Variants in DNAL1 observed in about 807,000 individuals in gnomAD.
The protein encoded by DNAL1 is dynein axonemal light chain 1.
A neutral mutation model predicts 29.4 loss-of-function variants in DNAL1; 17 were observed. The observed-to-expected ratio is 0.58, with a 90% confidence interval of 0.40 to 0.87. The LOEUF (loss-of-function observed/expected upper bound fraction) is 0.87. DNAL1 is among the 40% of genes least tolerant of loss of function. The probability of loss-of-function intolerance (pLI) is 0.00; values close to 1 mark genes in which losing one functional copy is unlikely to be tolerated. For missense variants in DNAL1, 188 were observed against 214.1 expected, an observed-to-expected ratio of 0.88 and a Z score of 0.76; for synonymous variants, 78 against 76.3, an observed-to-expected ratio of 1.02 and a Z score of -0.12.
At chr14:73,654,673 C>T (rs1482106759) in intron 1 of DNAL1, among the ~76,000 whole-genome samples, 174 bp from the exon 2 acceptor site, 2 of 152,048 alleles carry the variant, frequency 1.3e-5, no homozygotes, top group Non-Finnish European at 2.9e-5. Context: ...GCAGGAGAAT[C>T]GCTTGAACCC....
chr14:73,677,470 C>G (rs767463238), intron 5 of DNAL1, among the ~76,000 whole-genome samples: 1 of 151,094 alleles, frequency 6.6e-6, no homozygotes, highest in South Asian at 2.1e-4. Context: ...CGGCAAGTAC[C>G]GTGTTGTTTT....
intron 5 of DNAL1, among the ~76,000 whole-genome samples, chr14:73,679,798 C>CTTTT (rs3041319): frequency 0.82 from 124,913 of 151,574 alleles, 52,148 homozygotes; most frequent in African/African-American, 0.95. Context: ...GTCTTATCTT[C>CTTTT]TTAATTAAAA....
At position 73,683,236 on chromosome 14, in the gene DNAL1, A is replaced by G. The variant is rs985210387; in HGVS notation, c.265-4023A>G. On this transcript the variant is annotated intron_variant, in intron 5 of 7. Coordinates refer to ENST00000553645, the MANE Select transcript of DNAL1 (RefSeq NM_031427.4). Reference sequence around the variant, plus strand: ...TATCTTAAATAACTATAAAAAGTATAGTAAACACATAAACCAGTAATATTG... The same window carrying G: ...TATCTTAAATAACTATAAAAAGTATGGTAAACACATAAACCAGTAATATTG... Among the ~76,000 whole-genome samples the G allele has an allele frequency of 4.6e-5, 7 of 152,290 alleles. No homozygotes were observed. In the East Asian group the frequency reaches 1.2e-3, roughly 25 times the overall value.
At chr14:73,690,210 T>A (rs995045789) in intron 7 of DNAL1, among the ~76,000 whole-genome samples, 1 of 152,128 alleles carries the variant, frequency 6.6e-6, no homozygotes, top group African/African-American at 2.4e-5. Flanking sequence ...TATTTATTTT[T>A]AAAAAATTGT....
At chr14:73,669,571 G>A (rs533460179) in intron 4 of DNAL1, among the ~76,000 whole-genome samples, 7 of 152,164 alleles carry the variant, frequency 4.6e-5, no homozygotes, top group South Asian at 2.1e-4. Flanking sequence ...CACCACGCCC[G>A]GTCTAAATTT....
intron 5 of DNAL1, among the ~76,000 whole-genome samples, chr14:73,676,888 G>A (rs535135948): frequency 1.2e-4 from 18 of 151,080 alleles, no homozygotes; most frequent in Non-Finnish European, 2.5e-4. Flanking sequence ...CAATGCTAAT[G>A]CTAGTTTCTA....
rs1340943901 is a variant in DNAL1, at chr14:73,702,926, A to G, written c.*6984A>G. 1 of 150,950 alleles carries G rather than the reference A, an allele frequency of 6.6e-6. No individual in the cohort carries two copies. Among genetic ancestry groups the G allele is most frequent in the Admixed American group, 6.6e-5 (1 of 15,096 alleles). The allele number at this position is 150,950 out of a possible 1,614,324, so 9.4% of individuals were successfully genotyped here. A position where few individuals can be genotyped will look rare whatever the true frequency, so the allele number is the denominator to read the frequency against. On this transcript the variant is annotated 3_prime_UTR_variant, in exon 8 of 8. Coordinates refer to ENST00000553645, the MANE Select transcript of DNAL1 (RefSeq NM_031427.4). ...GGAGTTTGAGACCAGCCTAGGCAAC[A>G]TCGTGAGACCCCATCTCTACAAAAA...
rs996050842 is a variant in DNAL1 at position 73,680,582 on chromosome 14, C to T, written c.265-6677C>T. Among the ~76,000 whole-genome samples the T allele has an allele frequency of 4.6e-5, 7 of 152,084 alleles. No homozygotes were observed. The South Asian group carries it at 6.2e-4, about 14-fold the overall frequency. ...TGCTATGTTTTGATACATATATATA[C>T]GTTGTGTAATGATCAAACCAAGGTG... On this transcript the variant is annotated intron_variant, in intron 5 of 7. Coordinates refer to ENST00000553645, the MANE Select transcript of DNAL1 (RefSeq NM_031427.4).
chr14:73,691,325 G>A (rs1204460592), intron 7 of DNAL1, among the ~76,000 whole-genome samples: 1 of 152,086 alleles, frequency 6.6e-6, no homozygotes, highest in Non-Finnish European at 1.5e-5. Flanking sequence ...CGAGGTGGGA[G>A]GATCACTTGA....
Position 73,644,997 on chromosome 14 carries a change from G to A in DNAL1, c.-43G>A. ...AGAAGTGCGCACGCGCACTGACCCC[G>A]CGGGCCCTAGCAACCAGAGCAGTGA... is the stretch of plus-strand genomic sequence containing the variant. On this transcript the variant is annotated 5_prime_UTR_variant, in exon 1 of 8. Coordinates refer to ENST00000553645, the MANE Select transcript of DNAL1 (RefSeq NM_031427.4). 6.2e-7 allele frequency: 1 copy of A among 1,605,498 alleles called. No individual in the cohort carries two copies.
At chr14:73,680,423 A>C (rs190525609) in intron 5 of DNAL1, among the ~76,000 whole-genome samples, 86 of 152,334 alleles carry the variant, frequency 5.6e-4, no homozygotes, top group South Asian at 8.3e-4. Flanking sequence ...AGACGTATTC[A>C]TATTTTTTAT....
chr14:73,695,495 A>C (rs1044116816), intron 7 of DNAL1, among the ~76,000 whole-genome samples: 1 of 152,072 alleles, frequency 6.6e-6, no homozygotes, highest in Admixed American at 6.6e-5. Context: ...AATTATTTTT[A>C]TTACGGCACA....
At chr14:73,689,270 G>A in intron 6 of DNAL1, 105 bp from the exon 7 acceptor site, 1 of 1,341,830 alleles carries the variant, frequency 7.5e-7, no homozygotes, top group Non-Finnish European at 1.0e-6. Flanking sequence ...CTGATGTCGT[G>A]ATCCGCCCGC....
intron 1 of DNAL1, among the ~76,000 whole-genome samples, chr14:73,645,337 A>G (rs1890954591): frequency 6.6e-6 from 1 of 152,134 alleles, no homozygotes; most frequent in African/African-American, 2.4e-5. Context: ...TGGAGTGGGA[A>G]GGGTGATGGG....
chr14:73,678,700 A>T (rs1891803838), intron 5 of DNAL1, among the ~76,000 whole-genome samples: 1 of 152,202 alleles, frequency 6.6e-6, no homozygotes, highest in South Asian at 2.1e-4. Flanking sequence ...ATGGACAAAG[A>T]TGGTAGAGCA....
intron 1 of DNAL1, among the ~76,000 whole-genome samples, chr14:73,647,364 CAA>C (rs199974495): frequency 4.3e-5 from 4 of 92,738 alleles, no homozygotes; most frequent in Non-Finnish European, 3.9e-5. Context: ...GACTCTGTCT[CAA>C]AAAAAAAAAA....
intron 1 of DNAL1, among the ~76,000 whole-genome samples, chr14:73,645,372 T>C (rs1477496976): frequency 6.6e-6 from 1 of 151,986 alleles, no homozygotes; most frequent in African/African-American, 2.4e-5. Flanking sequence ...TAAAGATATC[T>C]CTTTACATAG....
At chr14:73,653,415 G>A (rs184299729) in intron 1 of DNAL1, among the ~76,000 whole-genome samples, 4 of 151,996 alleles carry the variant, frequency 2.6e-5, no homozygotes, top group Admixed American at 6.6e-5. Flanking sequence ...GTGGTGGTGC[G>A]ATCATCCCTC....
intron 7 of DNAL1, among the ~76,000 whole-genome samples, chr14:73,691,649 T>G (rs1892173714): frequency 6.6e-6 from 1 of 152,206 alleles, no homozygotes; most frequent in African/African-American, 2.4e-5. Flanking sequence ...CATTTTGACT[T>G]TGAACACTAC....
Sources: allele counts gnomAD v4.1 joint callset (sites outside exome capture counted in the v4.1 genomes callset), GRCh38; gene constraint gnomAD v4.1.1; transcripts MANE v1.5; gene names NCBI Gene and HGNC (gene_info 2026-07-23, HGNC 2026-07-21).